The following CTNNBL1 variants were observed in gnomAD, a reference collection of about 807,000 sequenced individuals.
The protein encoded by CTNNBL1 is beta-catenin-like protein 1.
In CTNNBL1, 31 loss-of-function variants were observed where a neutral mutation model predicts 72.7. The ratio of observed to expected loss-of-function variants is 0.43; its 90% confidence interval spans 0.32 to 0.58. The LOEUF is 0.58. Among genes scored for constraint, CTNNBL1 ranks in the 20% least tolerant of loss-of-function variants. The probability of loss-of-function intolerance (pLI) is 0.08; values close to 1 mark genes in which losing one functional copy is unlikely to be tolerated. For synonymous variants in CTNNBL1, 240 were observed against 267.3 expected, an observed-to-expected ratio of 0.90 and a Z score of 1.00; for missense variants, 534 against 725.1, an observed-to-expected ratio of 0.74 and a Z score of 3.03.
chr20:37,753,740 T>C (rs1478399363), intron 4 of CTNNBL1, among the ~76,000 whole-genome samples: 7 of 152,226 alleles, frequency 4.6e-5, no homozygotes, highest in African/African-American at 1.7e-4. Flanking sequence ...GCCTTTGACA[T>C]ACCTGATCTC....
chr20:37,839,304 T>G (rs1224296230), intron 11 of CTNNBL1, among the ~76,000 whole-genome samples: 2 of 152,220 alleles, frequency 1.3e-5, no homozygotes, highest in East Asian at 3.8e-4. Flanking sequence ...ATAAACTGTT[T>G]GTTGTTCACA....
intron 11 of CTNNBL1, among the ~76,000 whole-genome samples, chr20:37,824,913 G>A (rs924125727): frequency 6.6e-6 from 1 of 152,154 alleles, no homozygotes; most frequent in African/African-American, 2.4e-5. Context: ...TGTCCCCTCC[G>A]GGAAGTCCCA....
rs554217946 is a variant in CTNNBL1 at position 37,726,641 on chromosome 20, C to T, written c.31-6238C>T. 8.5e-5 allele frequency among the ~76,000 whole-genome samples: 13 copies of T among 152,164 alleles called. No individual in the cohort carries two copies. In the South Asian group the frequency reaches 1.9e-3, roughly 22 times the overall value. On this transcript the variant is annotated intron_variant, in intron 1 of 15. Transcript: ENST00000361383. ...TCATTTTCTGAAGTTAGCCAAGCTC[C>T]TAAGTTCTAGATGAAGAATTCTTGG...
At chr20:37,819,969 G>A (rs1435952568) in intron 11 of CTNNBL1, among the ~76,000 whole-genome samples, 1 of 150,966 alleles carries the variant, frequency 6.6e-6, no homozygotes, top group East Asian at 1.9e-4. Context: ...CCGCATCCCG[G>A]GTTCAAGCGA....
chr20:37,712,531 A>T (rs879325001), intron 1 of CTNNBL1, among the ~76,000 whole-genome samples: 1 of 152,194 alleles, frequency 6.6e-6, no homozygotes, highest in Admixed American at 6.5e-5. Context: ...ATCTTTTTCA[A>T]TTGGCTTATG....
intron 4 of CTNNBL1, among the ~76,000 whole-genome samples, chr20:37,752,485 GTTTA>G (rs1174678573): frequency 6.6e-6 from 1 of 151,210 alleles, no homozygotes; most frequent in Admixed American, 6.6e-5. Context: ...ATCTATACTG[GTTTA>G]TTTGTCTTAA....
chr20:37,848,526 C>A (rs1463890961), intron 13 of CTNNBL1, among the ~76,000 whole-genome samples: 1 of 152,122 alleles, frequency 6.6e-6, no homozygotes, highest in Non-Finnish European at 1.5e-5. Context: ...CAGCTTACAG[C>A]CAGTAAAACT....
chr20:37,859,149 G>T (rs2072468023), intron 13 of CTNNBL1, among the ~76,000 whole-genome samples: 1 of 152,100 alleles, frequency 6.6e-6, no homozygotes, highest in Admixed American at 6.5e-5. Flanking sequence ...CCAAGGTCAG[G>T]AGTTCAAGAC....
chr20:37,812,737 T>C (rs2072023049), intron 11 of CTNNBL1, among the ~76,000 whole-genome samples: 1 of 152,202 alleles, frequency 6.6e-6, no homozygotes, highest in African/African-American at 2.4e-5. Context: ...CAGGGAGACA[T>C]AGAAACCTGC....
intron 3 of CTNNBL1, among the ~76,000 whole-genome samples, chr20:37,741,417 C>G (rs966401818): frequency 3.3e-5 from 5 of 152,180 alleles, no homozygotes; most frequent in Middle Eastern, 3.2e-3. Flanking sequence ...TATATATTAT[C>G]TCTTTTAATC....
At chr20:37,826,608 T>A (rs55688321) in intron 11 of CTNNBL1, among the ~76,000 whole-genome samples, 1,611 of 152,340 alleles carry the variant, frequency 0.011, 23 homozygotes, top group African/African-American at 0.037. Context: ...TTTTCTTGCC[T>A]CCTTCTCAAC....
chr20:37,824,761 C>T (rs1427264444), intron 11 of CTNNBL1, among the ~76,000 whole-genome samples: 1 of 152,156 alleles, frequency 6.6e-6, no homozygotes, highest in Non-Finnish European at 1.5e-5. Flanking sequence ...TTTTAATGTG[C>T]CCCAAGCACC....
intron 13 of CTNNBL1, among the ~76,000 whole-genome samples, chr20:37,844,982 T>C (rs1028506203): frequency 2.0e-5 from 3 of 152,132 alleles, no homozygotes; most frequent in Admixed American, 2.0e-4. Context: ...CGTTAAAGGT[T>C]ATTATGAAGA....
chr20:37,857,540 A>G (rs578217902), intron 13 of CTNNBL1, among the ~76,000 whole-genome samples: 1 of 152,334 alleles, frequency 6.6e-6, no homozygotes, highest in African/African-American at 2.4e-5. Flanking sequence ...TAGAGGCCTC[A>G]TAGGAGCCGA....
intron 10 of CTNNBL1, among the ~76,000 whole-genome samples, chr20:37,790,047 G>T (rs1020772239): frequency 6.6e-6 from 1 of 152,126 alleles, no homozygotes; most frequent in South Asian, 2.1e-4. Context: ...ACCAGTTTTT[G>T]TTGTTGTTGT....
At position 37,777,423 on chromosome 20, in the gene CTNNBL1, G is replaced by A. The variant is rs2073585691; in HGVS notation, c.823+6G>A. The A allele has an allele frequency of 6.2e-7, 1 of 1,612,982 alleles. No homozygotes were observed. Among genetic ancestry groups the A allele is most frequent in the Non-Finnish European group, 8.5e-7 (1 of 1,178,988 alleles). ...ATTGCTCCAGGACAATGATGGTGAG[G>A]CGCCCTCTCAGTATTGATATTCTGT... On this transcript the variant is annotated splice_donor_region_variant and intron_variant, in intron 8 of 15. Coordinates refer to ENST00000361383, the MANE Select transcript of CTNNBL1 (RefSeq NM_030877.5).
intron 1 of CTNNBL1, among the ~76,000 whole-genome samples, chr20:37,715,121 C>T (rs530347764): frequency 6.6e-6 from 1 of 152,158 alleles, no homozygotes; most frequent in Non-Finnish European, 1.5e-5. Flanking sequence ...GTTAAAGGAA[C>T]CTCAGGAAAC....
intron 5 of CTNNBL1, among the ~76,000 whole-genome samples, chr20:37,761,811 G>C (rs1314975876): frequency 6.6e-6 from 1 of 152,252 alleles, no homozygotes; most frequent in Non-Finnish European, 1.5e-5. Flanking sequence ...GGCAAGGCCT[G>C]AGTTCTGGAA....
At chr20:37,810,065 C>G (rs1400269207) in intron 11 of CTNNBL1, among the ~76,000 whole-genome samples, 1 of 151,982 alleles carries the variant, frequency 6.6e-6, no homozygotes, top group Non-Finnish European at 1.5e-5. Flanking sequence ...TACTTACCTT[C>G]TTGGGTAAGA....
Sources: gnomAD v4.1 joint callset for allele counts (sites outside exome capture counted in the v4.1 genomes callset) on GRCh38, gnomAD v4.1.1 for gene constraint, MANE v1.5 for transcripts, NCBI Gene and HGNC (gene_info 2026-07-23, HGNC 2026-07-21) for gene names.